Variants in IL17RC observed in about 807,000 individuals in gnomAD.
The protein encoded by IL17RC is interleukin-17 receptor C.
A neutral mutation model predicts 86.7 loss-of-function variants in IL17RC; 53 were observed. The observed-to-expected ratio is 0.61, with a 90% CI of 0.49 to 0.77. The LOEUF (loss-of-function observed/expected upper bound fraction) is 0.77. IL17RC is among the 30% of genes least tolerant of loss of function. IL17RC has a pLI of 0.00. For synonymous variants in IL17RC, 439 were observed against 413.1 expected, an observed-to-expected ratio of 1.06 and a Z score of -0.76; for missense variants, 957 against 940.0, an observed-to-expected ratio of 1.02 and a Z score of -0.24.
Position 9,918,325 on chromosome 3 carries a change from G to T in IL17RC, c.281-10G>T, listed in dbSNP as rs1202313116. The T allele has an allele frequency of 4.4e-6, 7 of 1,576,116 alleles. No homozygotes were observed. Among genetic ancestry groups the T allele is most frequent in the Non-Finnish European group, 6.0e-6 (7 of 1,161,400 alleles). On this transcript the variant is annotated splice_polypyrimidine_tract_variant and intron_variant, in intron 3 of 18. Transcript: ENST00000403601. ...GCCTCACCCAGGGCCTTGCTCTTGG[G>T]TCCTTCTAGGGCACTGGGAAGAGCC... is the stretch of plus-strand genomic sequence containing the variant.
At position 9,917,973 on chromosome 3, in the gene IL17RC, G is replaced by A. The variant is rs201975186; in HGVS notation, c.178G>A (p.Val60Met). The A allele has an allele frequency of 2.2e-5, 35 of 1,613,662 alleles. No homozygotes were observed. The highest frequency in any genetic ancestry group is 4.0e-5 in the African/African-American group (3 of 74,946). Residue 60 changes from valine to methionine, a missense_variant, in exon 3 of 19, where the codon GTG (valine) becomes ATG (methionine). Transcript: ENST00000403601. ...PGDIVPAPGP[V>M]LAPTHLQTEL... ...GGACATCGTGCCTGCTCCGGGCCCC[G>A]TGCTGGCGCCTACGCACCTGCAGAC...
In IL17RC at chr3:9,917,265, G is replaced by A. The variant is rs60694738; in HGVS notation, c.-51G>A. The A allele has an allele frequency of 8.2e-6, 12 of 1,457,636 alleles. No homozygotes were observed. In the South Asian group the frequency reaches 8.8e-5, roughly 11 times the overall value. The allele number at this position is 1,457,636 out of a possible 1,614,324, so 90.3% of individuals were successfully genotyped here. On this transcript the variant is annotated 5_prime_UTR_variant, in exon 1 of 19. Transcript: ENST00000403601. ...CTGACTGGGGTGTCTGCCCCCCTTGGGGGGGGGCAGCACAGGGCCTCAGGC... is the reference window on the plus strand; with the variant it reads ...CTGACTGGGGTGTCTGCCCCCCTTGAGGGGGGGCAGCACAGGGCCTCAGGC...
At chr3:9,925,838 T>G (rs2084012087) in intron 9 of IL17RC, among the ~76,000 whole-genome samples, 1 of 150,302 alleles carries the variant, frequency 6.7e-6, no homozygotes, top group Non-Finnish European at 1.5e-5. Context: ...CATTTATCAC[T>G]TCATTTCTTT....
intron 9 of IL17RC, 145 bp from the exon 10 acceptor site, chr3:9,928,021 G>A: frequency 1.4e-6 from 1 of 722,360 alleles, no homozygotes; most frequent in Middle Eastern, 4.0e-4. Context: ...GAATAGATGT[G>A]AGCACCTCCA....
At chr3:9,921,188 C>T (rs1175389281) in intron 7 of IL17RC, among the ~76,000 whole-genome samples, 1 of 152,214 alleles carries the variant, frequency 6.6e-6, no homozygotes, top group African/African-American at 2.4e-5. Context: ...GGCTCAGTGG[C>T]TCATGCCTGT....
chr3:9,917,575 G>A, intron 1 of IL17RC, 138 bp from the exon 2 acceptor site: 1 of 1,613,484 alleles, frequency 6.2e-7, no homozygotes, highest in East Asian at 2.3e-5. Flanking sequence ...CGGGGAAGGG[G>A]CAAGAGCTGG....
chr3:9,933,179 C>G lies in IL17RC; in HGVS notation c.1749C>G (p.Pro583=), dbSNP rs966946579. Residue 583 remains proline, a synonymous_variant, in exon 19 of 19, where the codon CCC becomes CCG. Transcript: ENST00000403601. ...GCGTGGTGGTCTTGCTCTTCTCTCC[C>G]GGTGCGGTGGCGCTGTGCAGCGAGT... ...EGGVVVLLFS[P]GAVALCSEWL... 1.2e-6 allele frequency: 2 copies of G among 1,607,546 alleles called. No individual in the cohort carries two copies. The highest frequency in any genetic ancestry group is 2.7e-5 in the African/African-American group (2 of 74,682).
In IL17RC at chr3:9,933,352, A is replaced by C; in HGVS notation, c.1922A>C (p.Asp641Ala). ...TGCTTCGACAGGCTGCTCCACCCGGACGCCGTACCCGCCCTTTTCCGCACC... is the reference window on the plus strand; with the variant it reads ...TGCTTCGACAGGCTGCTCCACCCGGCCGCCGTACCCGCCCTTTTCCGCACC... Reference protein sequence around the residue: ...GACFDRLLHPDAVPALFRTVP... With the variant: ...GACFDRLLHPAAVPALFRTVP... Residue 641 changes from aspartate to alanine, a missense_variant, in exon 19 of 19, where the codon GAC becomes GCC. Physicochemically the swap from Asp to Ala is moderately radical, Grantham distance 126. Transcript: ENST00000403601. 1 of 1,611,128 alleles carries C rather than the reference A, an allele frequency of 6.2e-7. No homozygotes were observed. The highest frequency in any genetic ancestry group is 8.5e-7 in the Non-Finnish European group (1 of 1,179,062).
chr3:9,933,572 T>TG lies in IL17RC; in HGVS notation c.2146dup (p.Ala716GlyfsTer?). 1.2e-6 allele frequency: 2 copies of TG among 1,600,626 alleles called. No individual in the cohort carries two copies. The highest frequency in any genetic ancestry group is 1.7e-6 in the Non-Finnish European group (2 of 1,174,136). On this transcript the variant is annotated frameshift_variant, in exon 19 of 19. Transcript: ENST00000403601. LOFTEE classifies it high-confidence loss of function. ...GCGGGGTGGGACCAGGCGCGGGACCTGGGGCGGGGGACGGGACTTAAATAA... is the reference window on the plus strand; with the variant it reads ...GCGGGGTGGGACCAGGCGCGGGACCTGGGGGCGGGGGACGGGACTTAAATAA...
At chr3:9,929,993 G>T in intron 13 of IL17RC, 35 bp from the exon 14 acceptor site, 1 of 1,613,756 alleles carries the variant, frequency 6.2e-7, no homozygotes, top group Non-Finnish European at 8.5e-7. Flanking sequence ...CAGCAAGGAT[G>T]GGTCTTGGTC....
chr3:9,925,093 C>T (rs2083931743), intron 9 of IL17RC, among the ~76,000 whole-genome samples: 2 of 149,300 alleles, frequency 1.3e-5, no homozygotes, highest in South Asian at 4.3e-4. Context: ...GCATGAGCCA[C>T]TGTGGCTTGC....
chr3:9,925,316 C>T (rs2083959920), intron 9 of IL17RC, among the ~76,000 whole-genome samples: 1 of 151,900 alleles, frequency 6.6e-6, no homozygotes, highest in Non-Finnish European at 1.5e-5. Context: ...CAGGGTTTCA[C>T]CGTGTTAGCC....
intron 16 of IL17RC, among the ~76,000 whole-genome samples, chr3:9,931,470 C>CACACACATATATAT (rs750351615): frequency 1.8e-3 from 79 of 43,660 alleles, no homozygotes; most frequent in Non-Finnish European, 4.0e-3. Context: ...CACACACACA[C>CACACACATATATAT]ATATATATAT....
chr3:9,924,219 A>G lies in IL17RC; in HGVS notation c.763-13A>G. On this transcript the variant is annotated splice_polypyrimidine_tract_variant and intron_variant, in intron 8 of 18. Transcript: ENST00000403601. ...TTATCTTCTCCAACCTCCTTCCTTT[A>G]TTTGTTCCACAGACTGGACCGCAGA... The G allele has an allele frequency of 6.2e-7, 1 of 1,613,762 alleles. No individual in the cohort carries two copies. Among genetic ancestry groups the G allele is most frequent in the Non-Finnish European group, 8.5e-7 (1 of 1,179,932 alleles).
In IL17RC at chr3:9,917,349, C is replaced by G. The variant is rs7643547; in HGVS notation, c.34C>G (p.Leu12Val). 6.2e-7 allele frequency: 1 copy of G among 1,614,114 alleles called. No individual in the cohort carries two copies. The highest frequency in any genetic ancestry group is 8.5e-7 in the Non-Finnish European group (1 of 1,180,006). Residue 12 changes from leucine (L) to valine (V), a missense_variant, in exon 1 of 19, where the codon CTG (leucine) becomes GTG (valine). Physicochemically the swap from Leu to Val is conservative, Grantham distance 32 (BLOSUM62 1). Transcript: ENST00000403601. ...PVPWFLLSLA[L>V]GRSPVVLSLE... Reference sequence around the variant, plus strand: ...GCCCTGGTTCTTGCTGTCCTTGGCACTGGGCCGAAGCCCAGTGGTCCTTTC... The same window carrying G: ...GCCCTGGTTCTTGCTGTCCTTGGCAGTGGGCCGAAGCCCAGTGGTCCTTTC...
intron 7 of IL17RC, among the ~76,000 whole-genome samples, chr3:9,921,447 T>A (rs2083539169): frequency 7.2e-6 from 1 of 139,066 alleles, no homozygotes; most frequent in Admixed American, 7.5e-5. Flanking sequence ...AGAGCAAGAC[T>A]CCGTCTCAAA....
intron 9 of IL17RC, among the ~76,000 whole-genome samples, chr3:9,925,781 G>A (rs1479979070): frequency 2.0e-5 from 3 of 151,442 alleles, no homozygotes; most frequent in South Asian, 2.1e-4. Flanking sequence ...CCAACCACCC[G>A]GCCTCTCCTA....
chr3:9,927,625 C>T (rs1168913666), intron 9 of IL17RC, among the ~76,000 whole-genome samples: 1 of 151,824 alleles, frequency 6.6e-6, no homozygotes, highest in Non-Finnish European at 1.5e-5. Context: ...TGCTAAGACA[C>T]AATGGTAGGC....
At chr3:9,918,875 G>A (rs951406324) in intron 5 of IL17RC, among the ~76,000 whole-genome samples, 4 of 152,174 alleles carry the variant, frequency 2.6e-5, no homozygotes, top group African/African-American at 9.7e-5. Context: ...AAATGGGGAT[G>A]AGAATAGTTC....
Sources: gnomAD v4.1 joint callset for allele counts (sites outside exome capture counted in the v4.1 genomes callset) on GRCh38, gnomAD v4.1.1 for gene constraint, MANE v1.5 for transcripts, NCBI Gene and HGNC (gene_info 2026-07-23, HGNC 2026-07-21) for gene names.